The following HSPA12A variants were observed in gnomAD, a reference collection of about 807,000 sequenced individuals.
HSPA12A encodes the protein heat shock 70 kDa protein 12A.
In HSPA12A, 28 loss-of-function variants were observed where a neutral mutation model predicts 69.2. The ratio of observed to expected loss-of-function variants is 0.40; its 90% CI spans 0.30 to 0.55. The LOEUF is 0.55. Ranked by LOEUF, HSPA12A falls within the 20% of genes least tolerant of loss-of-function variation. The pLI, the probability that HSPA12A is intolerant of heterozygous loss-of-function variation, is 0.38. For missense variants in HSPA12A, 686 were observed against 900.7 expected (o/e 0.76, Z 3.05); for synonymous variants, 345 against 370.5 (o/e 0.93, Z 0.79).
chr10:116,811,312 G>T (rs1445779823), intron 2 of HSPA12A, among the ~76,000 whole-genome samples: 1 of 152,144 alleles, frequency 6.6e-6, no homozygotes, highest in Non-Finnish European at 1.5e-5. Flanking sequence ...AGACTATGCA[G>T]AGCCTCAAGG....
chr10:116,787,804 C>A (rs1475481689), intron 2 of HSPA12A, among the ~76,000 whole-genome samples: 1 of 152,140 alleles, frequency 6.6e-6, no homozygotes, highest in African/African-American at 2.4e-5. Flanking sequence ...AGCCGCTTGG[C>A]ACAAGGACTA....
chr10:116,825,931 T>C (rs1013872028), intron 2 of HSPA12A, among the ~76,000 whole-genome samples: 1 of 152,156 alleles, frequency 6.6e-6, no homozygotes, highest in Non-Finnish European at 1.5e-5. Flanking sequence ...AAACAGGCTG[T>C]GAAACCACAT....
At chr10:116,679,463 G>A (rs377732716) in intron 10 of HSPA12A, 40 bp downstream of exon 10, 42 of 1,604,166 alleles carry the variant, frequency 2.6e-5, no homozygotes, top group Admixed American at 1.0e-4. Flanking sequence ...CGATCCACCC[G>A]CTAGAATGTC....
rs373499510 is a variant in HSPA12A, at chr10:116,774,224, T to G, written c.91+60711A>C. On this transcript the variant is annotated intron_variant, in intron 2 of 12. Transcript: ENST00000635765. ...CGGGGTTTCACCGTTTTAGCCGGGA[T>G]GGTCTCGATCTCCTGACCTCGTGAT... Among the ~76,000 whole-genome samples, 79 of 152,176 alleles carry G rather than the reference T, an allele frequency of 5.2e-4. 1 individual carries two copies. In the South Asian group the frequency reaches 0.015, roughly 28 times the overall value.
chr10:116,760,890 G>C (rs1187897671), intron 2 of HSPA12A, among the ~76,000 whole-genome samples: 1 of 152,006 alleles, frequency 6.6e-6, no homozygotes, highest in African/African-American at 2.4e-5. Context: ...CTTTTTCTTG[G>C]TGTTTGGGTT....
rs544262267 is a variant in HSPA12A at position 116,723,258 on chromosome 10, G to T, written c.41-15973C>A. On this transcript the variant is annotated intron_variant, in intron 1 of 11. Transcript: ENST00000369209. The surrounding 1 kb of genome is among the most constrained non-coding windows in gnomAD (Gnocchi z 4.1). The stretch of plus-strand genomic sequence containing the variant: ...ACAACCCCCTGCACAGCTGGGCTGT[G>T]TCCTCTGCCATCTGGGAAAGCCATC... Among the ~76,000 whole-genome samples, 4 of 151,986 alleles carry T rather than the reference G, an allele frequency of 2.6e-5. No individual in the cohort carries two copies. The South Asian group carries it at 8.3e-4, about 32-fold the overall frequency.
chr10:116,757,634 A>G (rs1843880577), intron 2 of HSPA12A, among the ~76,000 whole-genome samples: 1 of 152,216 alleles, frequency 6.6e-6, no homozygotes, highest in African/African-American at 2.4e-5. Flanking sequence ...CAGGGTTAAG[A>G]GCACTGGCCT....
Position 116,819,869 on chromosome 10 carries a change from C to T in HSPA12A, c.91+15066G>A, listed in dbSNP as rs192736674. Among the ~76,000 whole-genome samples, 4 of 152,306 alleles carry T rather than the reference C, an allele frequency of 2.6e-5. No homozygotes were observed. The East Asian group carries it at 7.7e-4, about 29-fold the overall frequency. Reference sequence around the variant, plus strand: ...GTTTGTTTTTTGAGACAGGGCTGCCCAGGCTGGAGTGCAGTGGCATAAACT... The same window carrying T: ...GTTTGTTTTTTGAGACAGGGCTGCCTAGGCTGGAGTGCAGTGGCATAAACT... On this transcript the variant is annotated intron_variant, in intron 2 of 12. Coordinates refer to the HSPA12A transcript ENST00000635765.
At chr10:116,773,636 AG>A (rs1554890736) in intron 2 of HSPA12A, among the ~76,000 whole-genome samples, 1 of 152,208 alleles carries the variant, frequency 6.6e-6, no homozygotes, top group Non-Finnish European at 1.5e-5. Flanking sequence ...CCCAGCTCAC[AG>A]TGGGGGCCTC....
chr10:116,767,712 G>A (rs1311307191), intron 2 of HSPA12A, among the ~76,000 whole-genome samples: 1 of 152,196 alleles, frequency 6.6e-6, no homozygotes, highest in Non-Finnish European at 1.5e-5. Context: ...GCCACAAGGG[G>A]GCTTTAACCA....
chr10:116,690,546 G>A (rs1016408860), intron 6 of HSPA12A, among the ~76,000 whole-genome samples: 9 of 152,184 alleles, frequency 5.9e-5, no homozygotes, highest in Non-Finnish European at 1.0e-4. Context: ...AGCCAGCATC[G>A]AGGAAACAGC....
At chr10:116,803,741 G>C (rs962947321) in intron 2 of HSPA12A, among the ~76,000 whole-genome samples, 6 of 152,242 alleles carry the variant, frequency 3.9e-5, no homozygotes, top group African/African-American at 1.4e-4. Context: ...CTCTCTTAAA[G>C]ACGACAAAGG....
intron 2 of HSPA12A, among the ~76,000 whole-genome samples, chr10:116,751,883 C>T (rs1021821306): frequency 3.3e-5 from 5 of 152,084 alleles, no homozygotes; most frequent in Non-Finnish European, 7.3e-5. Flanking sequence ...GTGTTGTGCC[C>T]GCTTCCCATT....
At chr10:116,805,012 C>A (rs1845038028) in intron 2 of HSPA12A, among the ~76,000 whole-genome samples, 1 of 152,170 alleles carries the variant, frequency 6.6e-6, no homozygotes, top group South Asian at 2.1e-4. Context: ...ATGGACACTT[C>A]CATTAAAACC....
At position 116,681,254 on chromosome 10, in the gene HSPA12A, C is replaced by T. The variant is rs782085867; in HGVS notation, c.925G>A (p.Asp309Asn). The T allele has an allele frequency of 1.4e-5, 23 of 1,613,520 alleles. No homozygotes were observed. Among genetic ancestry groups the T allele is most frequent in the Non-Finnish European group, 1.9e-5 (23 of 1,179,510 alleles). The change falls in exon 9 of 12, where the codon GAT (aspartate) becomes AAT (asparagine). Residue 309 changes from aspartate (D) to asparagine (N), a missense_variant and splice_region_variant. By Grantham distance (23) the Asp-to-Asn change is conservative (BLOSUM62 1). Coordinates refer to ENST00000369209, the MANE Select transcript of HSPA12A (RefSeq NM_025015.3). ...GEIWSELEEG[D>N]KYVVVDSGGG... Reference sequence around the variant, plus strand: ...CCACTGTCCACAACCACATACTTATCACCTGGCACAAAAACAGCCATCTTT... The same window carrying T: ...CCACTGTCCACAACCACATACTTATTACCTGGCACAAAAACAGCCATCTTT...
intron 10 of HSPA12A, among the ~76,000 whole-genome samples, chr10:116,677,326 T>A (rs1849268380): frequency 6.6e-6 from 1 of 152,200 alleles, no homozygotes; most frequent in Non-Finnish European, 1.5e-5. Context: ...CTGTCCCTGA[T>A]GCAAAGTGCA....
intron 6 of HSPA12A, among the ~76,000 whole-genome samples, chr10:116,685,824 T>C (rs918445037): frequency 1.3e-5 from 2 of 152,138 alleles, no homozygotes; most frequent in Admixed American, 6.5e-5. Flanking sequence ...ACATCTTCAC[T>C]CTGTAAATAC....
chr10:116,772,098 G>A (rs558955400), intron 2 of HSPA12A, among the ~76,000 whole-genome samples: 5 of 152,278 alleles, frequency 3.3e-5, no homozygotes, highest in South Asian at 2.1e-4. Flanking sequence ...GGACGGGAGC[G>A]GGGGTAGTGG....
intron 2 of HSPA12A, among the ~76,000 whole-genome samples, chr10:116,779,692 G>A (rs1302429930): frequency 6.6e-6 from 1 of 152,160 alleles, no homozygotes; most frequent in African/African-American, 2.4e-5. Context: ...TATCCTGATT[G>A]ACACCCAGGC....
Sources: gnomAD v4.1 joint callset for allele counts (sites outside exome capture counted in the v4.1 genomes callset) on GRCh38, gnomAD v4.1.1 for gene constraint, Gnocchi (gnomAD v3.1) non-coding constraint, MANE v1.5 for transcripts, NCBI Gene and HGNC (gene_info 2026-07-23, HGNC 2026-07-21) for gene names.